The following AP3B1 variants were observed in gnomAD, a reference collection of about 807,000 sequenced individuals.
AP3B1 encodes the protein AP-3 complex subunit beta-1.
Under a neutral mutation model 132.5 loss-of-function variants are expected in AP3B1, and 61 were observed. The observed-to-expected ratio is 0.46, with a 90% CI of 0.37 to 0.57. The LOEUF (loss-of-function observed/expected upper bound fraction) is 0.57. Among genes scored for constraint, AP3B1 ranks in the 20% least tolerant of loss-of-function variants. The pLI, the probability that AP3B1 is intolerant of heterozygous loss-of-function variation, is 0.00. For missense variants in AP3B1, 1,120 were observed against 1,289.4 expected, an observed-to-expected ratio of 0.87 and a Z score of 2.01; for synonymous variants, 388 against 438.3, an observed-to-expected ratio of 0.89 and a Z score of 1.43.
chr5:78,149,335 T>C (rs1357988129), intron 14 of AP3B1, among the ~76,000 whole-genome samples: 1 of 152,196 alleles, frequency 6.6e-6, no homozygotes, highest in East Asian at 1.9e-4. Flanking sequence ...TGTGCCTCAG[T>C]TTTCTCAAAT....
At chr5:78,217,309 AAT>A (rs1226825667) in intron 6 of AP3B1, among the ~76,000 whole-genome samples, 10 of 152,178 alleles carry the variant, frequency 6.6e-5, no homozygotes, top group African/African-American at 2.2e-4. Flanking sequence ...AACAGCTCAG[AAT>A]ATAGACTCGC....
chr5:78,165,734 G>A, intron 11 of AP3B1, 62 bp from the exon 12 acceptor site: 3 of 1,100,478 alleles, frequency 2.7e-6, no homozygotes, highest in Non-Finnish European at 4.1e-6. Context: ...GAATTTAATA[G>A]AGTACAGACA....
chr5:78,193,074 A>T (rs1744909615), intron 7 of AP3B1, among the ~76,000 whole-genome samples: 1 of 152,216 alleles, frequency 6.6e-6, no homozygotes, highest in East Asian at 1.9e-4. Context: ...ATTTTTCAGA[A>T]AACTCAGATA....
At chr5:78,082,315 G>A (rs1415317425) in intron 22 of AP3B1, among the ~76,000 whole-genome samples, 3 of 152,064 alleles carry the variant, frequency 2.0e-5, no homozygotes, top group African/African-American at 7.3e-5. Flanking sequence ...ATTATCTGTT[G>A]CCAAATCACT....
intron 22 of AP3B1, among the ~76,000 whole-genome samples, chr5:78,070,146 C>T (rs931406102): frequency 7.2e-5 from 11 of 152,202 alleles, no homozygotes; most frequent in African/African-American, 2.4e-4. Context: ...GTGGCTCACA[C>T]CTGCAATCCC....
intron 22 of AP3B1, among the ~76,000 whole-genome samples, chr5:78,057,471 G>A (rs192915223): frequency 1.4e-3 from 220 of 152,152 alleles, no homozygotes; most frequent in African/African-American, 4.9e-3. Context: ...ACAATTTCCC[G>A]TCTCTTCTTG....
At chr5:78,294,198 A>G (rs548960661) in intron 1 of AP3B1, among the ~76,000 whole-genome samples, 1 of 152,256 alleles carries the variant, frequency 6.6e-6, no homozygotes, top group East Asian at 1.9e-4. Flanking sequence ...GTGGGATCTA[A>G]GCTCACCAAG....
intron 7 of AP3B1, among the ~76,000 whole-genome samples, chr5:78,183,811 G>A (rs1186259969): frequency 6.7e-6 from 1 of 148,836 alleles, no homozygotes; most frequent in African/African-American, 2.5e-5. Flanking sequence ...AGGTTGCAGT[G>A]AGCCAAGATC....
chr5:78,244,221 C>G (rs149996957), intron 2 of AP3B1, among the ~76,000 whole-genome samples: 60 of 152,236 alleles, frequency 3.9e-4, no homozygotes, highest in Middle Eastern at 3.4e-3. Context: ...TGCTGAAACC[C>G]TGTCTCTACT....
intron 11 of AP3B1, among the ~76,000 whole-genome samples, chr5:78,170,246 A>T (rs1254127707): frequency 6.6e-6 from 1 of 152,186 alleles, no homozygotes; most frequent in African/African-American, 2.4e-5. Context: ...TAGTAGCATG[A>T]TTTATAATCC....
At chr5:78,122,520 G>A (rs369356118) in intron 17 of AP3B1, among the ~76,000 whole-genome samples, 78 of 152,236 alleles carry the variant, frequency 5.1e-4, no homozygotes, top group African/African-American at 1.2e-3. Context: ...AAATCAATGT[G>A]CAAAAATCAC....
chr5:78,120,757 C>T (rs934550622), intron 17 of AP3B1, among the ~76,000 whole-genome samples: 2 of 152,140 alleles, frequency 1.3e-5, no homozygotes, highest in African/African-American at 2.4e-5. Context: ...GACTTTAACA[C>T]CCTACTGTCA....
At chr5:78,136,860 T>C (rs1752936723) in intron 15 of AP3B1, among the ~76,000 whole-genome samples, 2 of 152,170 alleles carry the variant, frequency 1.3e-5, no homozygotes, top group South Asian at 4.1e-4. Flanking sequence ...GAAGCATACA[T>C]GTTGCAATAT....
intron 5 of AP3B1, 69 bp downstream of exon 5, chr5:78,227,303 A>G: frequency 2.0e-6 from 3 of 1,487,120 alleles, no homozygotes; most frequent in Non-Finnish European, 2.8e-6. Flanking sequence ...GAATAAAACA[A>G]GCCTCTGTGG....
At chr5:78,136,444 A>G (rs1412430010) in intron 15 of AP3B1, among the ~76,000 whole-genome samples, 1 of 152,200 alleles carries the variant, frequency 6.6e-6, no homozygotes, top group Non-Finnish European at 1.5e-5. Flanking sequence ...AGGCATAAAA[A>G]TGCACCCAGC....
At chr5:78,277,804 T>C (rs1303732983) in intron 1 of AP3B1, among the ~76,000 whole-genome samples, 1 of 152,236 alleles carries the variant, frequency 6.6e-6, no homozygotes, top group African/African-American at 2.4e-5. Flanking sequence ...CCTTTCACTG[T>C]AAAGTCTCAA....
At chr5:78,129,354 T>G in intron 15 of AP3B1, 47 bp from the exon 16 acceptor site, 1 of 1,411,902 alleles carries the variant, frequency 7.1e-7, no homozygotes. Flanking sequence ...TATTTATGAT[T>G]ATCGATAACT....
intron 26 of AP3B1, among the ~76,000 whole-genome samples, chr5:78,008,070 G>A (rs1746472007): frequency 6.6e-6 from 1 of 151,978 alleles, no homozygotes; most frequent in South Asian, 2.1e-4. Context: ...GGCCAATGAT[G>A]CATTCTCTTT....
chr5:78,277,607 T>C (rs184190621), intron 1 of AP3B1, among the ~76,000 whole-genome samples: 12 of 151,946 alleles, frequency 7.9e-5, no homozygotes, highest in Non-Finnish European at 1.8e-4. Context: ...TCATACAAGA[T>C]AACAGAGCAA....
Sources: allele counts gnomAD v4.1 joint callset (sites outside exome capture counted in the v4.1 genomes callset), GRCh38; gene constraint gnomAD v4.1.1; transcripts MANE v1.5; gene names NCBI Gene and HGNC (gene_info 2026-07-23, HGNC 2026-07-21).